SPSB4: variants seen among roughly 807,000 people sequenced by gnomAD.
SPSB4 encodes splA/ryanodine receptor domain and SOCS box containing 4.
Under a neutral mutation model 20.9 loss-of-function variants are expected in SPSB4, and 21 were observed. That is an observed-to-expected ratio of 1.01 (90% confidence interval 0.71 to 1.45). The LOEUF is 1.45. Among genes scored for constraint, SPSB4 ranks in the 40% most tolerant of loss-of-function variants. The pLI is 0.00. For missense variants in SPSB4, 399 were observed against 399.2 expected (o/e 1.00, Z 0.00); for synonymous variants, 207 against 183.8 (o/e 1.13, Z -1.02).
At chr3:141,122,470 G>A (rs1938984315) in intron 2 of SPSB4, among the ~76,000 whole-genome samples, 2 of 152,204 alleles carry the variant, frequency 1.3e-5, no homozygotes, top group African/African-American at 4.8e-5. Flanking sequence ...AGACAGGGAC[G>A]TTTAGGTCTG....
intron 2 of SPSB4, among the ~76,000 whole-genome samples, chr3:141,127,709 CT>C (rs928788822): frequency 5.9e-5 from 9 of 152,222 alleles, no homozygotes; most frequent in Non-Finnish European, 1.0e-4. Context: ...CCATTTGCCA[CT>C]CTGATGGAGA....
Position 141,066,817 on chromosome 3 carries a change from G to T in SPSB4, c.694+19G>T, listed in dbSNP as rs774769088. 1 of 1,512,832 alleles carries T rather than the reference G, an allele frequency of 6.6e-7. No individual in the cohort carries two copies. The highest frequency in any genetic ancestry group is 1.3e-5 in the South Asian group (1 of 74,706). The allele number at this position is 1,512,832 out of a possible 1,614,324, so 93.7% of individuals were successfully genotyped here. ...CTTGACCGTAAGTTGTGCTGGGCTG[G>T]GGGGCAGGGCTTTCAGAGGCTGCCA... On this transcript the variant is annotated intron_variant, in intron 2 of 2. Coordinates refer to ENST00000310546, the MANE Select transcript of SPSB4 (RefSeq NM_080862.3).
At chr3:141,114,204 G>T (rs1938849880) in intron 2 of SPSB4, among the ~76,000 whole-genome samples, 1 of 152,212 alleles carries the variant, frequency 6.6e-6, no homozygotes, top group Admixed American at 6.5e-5. Context: ...GGTCAGCTGT[G>T]TTCATGTGGA....
chr3:141,111,010 C>T (rs745892463), intron 2 of SPSB4, among the ~76,000 whole-genome samples: 6 of 152,190 alleles, frequency 3.9e-5, no homozygotes, highest in African/African-American at 9.7e-5. Flanking sequence ...TGGGCTCTAA[C>T]GTCATACTTC....
intron 2 of SPSB4, chr3:141,077,321 G>A (rs1426965): frequency 0.14 from 21,551 of 152,194 alleles, 4,915 homozygotes; most frequent in African/African-American, 0.48. Context: ...AAATAGAGCC[G>A]TGAGTTCTGC....
At chr3:141,108,145 G>A (rs967115624) in intron 2 of SPSB4, among the ~76,000 whole-genome samples, 15 of 151,974 alleles carry the variant, frequency 9.9e-5, no homozygotes. Flanking sequence ...AATTCACAGA[G>A]CTAGTTAAAT....
chr3:141,084,214 G>A (rs553095979), intron 2 of SPSB4, among the ~76,000 whole-genome samples: 4 of 152,208 alleles, frequency 2.6e-5, no homozygotes, highest in Non-Finnish European at 5.9e-5. Context: ...TTTCTTTTGT[G>A]ATGTTTCTTT....
At chr3:141,063,335 T>A (rs1035181333) in intron 1 of SPSB4, among the ~76,000 whole-genome samples, 1 of 152,228 alleles carries the variant, frequency 6.6e-6, no homozygotes, top group Admixed American at 6.5e-5. Flanking sequence ...TTTTAGCAGT[T>A]TACTATGGCC....
At chr3:141,123,075 A>T (rs1395486662) in intron 2 of SPSB4, among the ~76,000 whole-genome samples, 3 of 152,226 alleles carry the variant, frequency 2.0e-5, no homozygotes, top group African/African-American at 7.2e-5. Context: ...GCCATCTTGG[A>T]AGCCAGACCT....
chr3:141,057,845 G>A (rs555783383), intron 1 of SPSB4, among the ~76,000 whole-genome samples: 32 of 152,322 alleles, frequency 2.1e-4, no homozygotes, highest in African/African-American at 7.7e-4. Flanking sequence ...AGTCTATAAA[G>A]GAATTCCAGT....
intron 2 of SPSB4, among the ~76,000 whole-genome samples, chr3:141,124,578 T>C (rs1338181139): frequency 6.6e-6 from 1 of 152,060 alleles, no homozygotes; most frequent in African/African-American, 2.4e-5. Flanking sequence ...GCTGCGTTCA[T>C]AATGGAGTCA....
At chr3:141,069,630 G>A (rs767195348) in intron 2 of SPSB4, among the ~76,000 whole-genome samples, 4 of 152,178 alleles carry the variant, frequency 2.6e-5, no homozygotes, top group Admixed American at 6.5e-5. Flanking sequence ...TCACAGAGCC[G>A]GGTCAGACCC....
intron 2 of SPSB4, among the ~76,000 whole-genome samples, chr3:141,105,925 C>T (rs1422507714): frequency 2.6e-5 from 4 of 152,154 alleles, no homozygotes; most frequent in Non-Finnish European, 4.4e-5. Flanking sequence ...CCGTGATGGC[C>T]ACTTAAAATT....
At chr3:141,062,519 C>A (rs900021819) in intron 1 of SPSB4, among the ~76,000 whole-genome samples, 1 of 152,090 alleles carries the variant, frequency 6.6e-6, no homozygotes, top group Non-Finnish European at 1.5e-5. Flanking sequence ...AATATATCAG[C>A]CATGATTTCC....
chr3:141,070,542 T>A (rs893915249), intron 2 of SPSB4, among the ~76,000 whole-genome samples: 1 of 152,004 alleles, frequency 6.6e-6, no homozygotes, highest in African/African-American at 2.4e-5. Context: ...ATGGCTAATT[T>A]AAAAAAAAAT....
At chr3:141,143,108 G>T (rs574279124) in intron 2 of SPSB4, among the ~76,000 whole-genome samples, 1 of 151,980 alleles carries the variant, frequency 6.6e-6, no homozygotes, top group Non-Finnish European at 1.5e-5. Flanking sequence ...GAGCCACCAC[G>T]CTTGGCCCCC....
intron 1 of SPSB4, among the ~76,000 whole-genome samples, chr3:141,063,537 G>A (rs190108947): frequency 6.4e-4 from 97 of 152,250 alleles, no homozygotes; most frequent in African/African-American, 2.3e-3. Context: ...TTTATAACTA[G>A]CCAAAATGGA....
chr3:141,108,987 G>A (rs1459206493), intron 2 of SPSB4, among the ~76,000 whole-genome samples: 3 of 152,160 alleles, frequency 2.0e-5, no homozygotes, highest in African/African-American at 7.2e-5. Context: ...GATCATGGAG[G>A]GTGACCCCAC....
chr3:141,102,530 G>A (rs1938627890), intron 2 of SPSB4, among the ~76,000 whole-genome samples: 1 of 151,992 alleles, frequency 6.6e-6, no homozygotes, highest in Admixed American at 6.6e-5. Flanking sequence ...TTGGGGGTGA[G>A]GGATGAAGAA....
Sources: allele counts gnomAD v4.1 joint callset (sites outside exome capture counted in the v4.1 genomes callset), GRCh38; gene constraint gnomAD v4.1.1; transcripts MANE v1.5; gene names NCBI Gene and HGNC (gene_info 2026-07-23, HGNC 2026-07-21).